Variants in MDGA2 observed in about 807,000 individuals in gnomAD.
MDGA2 encodes the protein MAM domain-containing glycosylphosphatidylinositol anchor protein 2.
Under a neutral mutation model 117.8 loss-of-function variants are expected in MDGA2, and 40 were observed. The observed-to-expected ratio is 0.34, with a 90% CI of 0.26 to 0.44. The LOEUF (loss-of-function observed/expected upper bound fraction) is 0.44, where lower values mean the gene tolerates loss of function less well. MDGA2 is among the 20% of genes least tolerant of loss of function. The pLI is 1.00. For synonymous variants in MDGA2, 452 were observed against 439.0 expected, an observed-to-expected ratio of 1.03 and a Z score of -0.37; for missense variants, 1,123 against 1,250.6, an observed-to-expected ratio of 0.90 and a Z score of 1.54.
intron 8 of MDGA2, among the ~76,000 whole-genome samples, chr14:47,005,364 A>C (rs980843388): frequency 6.6e-6 from 1 of 151,618 alleles, no homozygotes; most frequent in South Asian, 2.1e-4. Context: ...TTATTGAAAG[A>C]AGCATACGGA....
chr14:47,322,994 T>A (rs1890025501), intron 1 of MDGA2, among the ~76,000 whole-genome samples: 1 of 151,668 alleles, frequency 6.6e-6, no homozygotes, highest in African/African-American at 2.4e-5. Flanking sequence ...TTGCCATACA[T>A]AATGAAGGAG....
intron 1 of MDGA2, among the ~76,000 whole-genome samples, chr14:47,588,619 T>C (rs1341121086): frequency 1.3e-5 from 2 of 151,924 alleles, no homozygotes; most frequent in Non-Finnish European, 2.9e-5. Flanking sequence ...TTATATTTTC[T>C]ACATGTGAGT....
intron 1 of MDGA2, among the ~76,000 whole-genome samples, chr14:47,478,657 T>C (rs1451414821): frequency 2.0e-5 from 3 of 152,318 alleles, no homozygotes; most frequent in African/African-American, 7.2e-5. Context: ...ACTACGGACA[T>C]GAGCCACTGC....
chr14:47,037,462 C>T (rs1293192118), intron 7 of MDGA2, among the ~76,000 whole-genome samples: 1 of 152,106 alleles, frequency 6.6e-6, no homozygotes, highest in African/African-American at 2.4e-5. Flanking sequence ...GAATTAATAA[C>T]TTTTGAGCGT....
chr14:47,605,825 T>C (rs1199028698), intron 1 of MDGA2, among the ~76,000 whole-genome samples: 2 of 152,140 alleles, frequency 1.3e-5, no homozygotes, highest in Admixed American at 6.6e-5. Context: ...TATTTCATAA[T>C]GTAATGCCCC....
In MDGA2 at chr14:47,350,168, C is replaced by T. The variant is rs868219600; in HGVS notation, c.281-48618G>A. ...ACTCCCCCAGGACAGAATCTGCCTT[C>T]TTTTAAACAGTCACCTGTAACTAAC... On this transcript the variant is annotated intron_variant, in intron 1 of 16. Coordinates refer to ENST00000399232, the MANE Select transcript of MDGA2 (RefSeq NM_001113498.3). 5.3e-5 allele frequency among the ~76,000 whole-genome samples: 8 copies of T among 152,318 alleles called. No individual in the cohort carries two copies. The Middle Eastern group carries it at 0.017, about 324-fold the overall frequency.
intron 1 of MDGA2, among the ~76,000 whole-genome samples, chr14:47,609,618 T>C (rs1254453359): frequency 1.3e-5 from 2 of 151,018 alleles, no homozygotes; most frequent in African/African-American, 4.9e-5. Context: ...GTGGGATTGC[T>C]GGATCAAATG....
chr14:47,494,728 A>C (rs1894242977), intron 1 of MDGA2, among the ~76,000 whole-genome samples: 1 of 151,578 alleles, frequency 6.6e-6, no homozygotes, highest in Non-Finnish European at 1.5e-5. Flanking sequence ...GTCCATGTTC[A>C]TTTTTCTGTA....
intron 1 of MDGA2, among the ~76,000 whole-genome samples, chr14:47,538,032 G>A (rs915838285): frequency 2.6e-5 from 4 of 152,278 alleles, no homozygotes; most frequent in Non-Finnish European, 4.4e-5. Flanking sequence ...TGATGTTTAA[G>A]ACAATACAGA....
intron 1 of MDGA2, among the ~76,000 whole-genome samples, chr14:47,340,457 T>C (rs979059511): frequency 3.3e-5 from 5 of 152,192 alleles, no homozygotes; most frequent in African/African-American, 7.2e-5. Context: ...GGTAATTATA[T>C]AGAATACATC....
rs189564582 is a variant in MDGA2, at chr14:46,893,673, A to G, written c.2239-11452T>C. Reference sequence around the variant, plus strand: ...AAAAAGACAAATTTAAAAATTATTAATAGTGTATTCACATTTTAATACTAC... The same window carrying G: ...AAAAAGACAAATTTAAAAATTATTAGTAGTGTATTCACATTTTAATACTAC... On this transcript the variant is annotated intron_variant, in intron 10 of 16. Transcript: ENST00000399232. 4.6e-4 allele frequency among the ~76,000 whole-genome samples: 70 copies of G among 152,208 alleles called. No homozygotes were observed. The East Asian group carries it at 0.013, about 28-fold the overall frequency.
intron 5 of MDGA2, among the ~76,000 whole-genome samples, chr14:47,124,478 T>G (rs2139118397): frequency 6.6e-6 from 1 of 152,252 alleles, no homozygotes; most frequent in East Asian, 1.9e-4. Flanking sequence ...TTAACATATC[T>G]GACTCATTTT....
At chr14:47,614,508 C>T (rs1206611327) in intron 1 of MDGA2, among the ~76,000 whole-genome samples, 2 of 152,156 alleles carry the variant, frequency 1.3e-5, no homozygotes, top group East Asian at 1.9e-4. Context: ...TTTCCACACT[C>T]GTGCTAACTC....
chr14:47,497,177 G>A (rs1894299159), intron 1 of MDGA2, among the ~76,000 whole-genome samples: 1 of 152,062 alleles, frequency 6.6e-6, no homozygotes, highest in Non-Finnish European at 1.5e-5. Flanking sequence ...TTTTTCCACA[G>A]GTTATTTATG....
chr14:47,440,952 G>A (rs528316024), intron 1 of MDGA2, among the ~76,000 whole-genome samples: 1 of 152,008 alleles, frequency 6.6e-6, no homozygotes, highest in East Asian at 1.9e-4. Flanking sequence ...TTTCATTTGG[G>A]GACTGCAAAT....
At chr14:46,998,915 A>C (rs1887401498) in intron 8 of MDGA2, among the ~76,000 whole-genome samples, 2 of 152,082 alleles carry the variant, frequency 1.3e-5, no homozygotes, top group African/African-American at 4.8e-5. Context: ...TAAGTTGTTC[A>C]ACTACAAATT....
intron 3 of MDGA2, among the ~76,000 whole-genome samples, chr14:47,145,704 T>A (rs1882915624): frequency 6.6e-6 from 1 of 152,122 alleles, no homozygotes; most frequent in African/African-American, 2.4e-5. Flanking sequence ...TTTAGGCTGT[T>A]GAAGGATTAA....
At chr14:47,189,580 C>A (rs1049394179) in intron 3 of MDGA2, among the ~76,000 whole-genome samples, 2 of 152,120 alleles carry the variant, frequency 1.3e-5, no homozygotes, top group African/African-American at 4.8e-5. Flanking sequence ...TCCCCATCAC[C>A]TTTTAAACAA....
intron 2 of MDGA2, among the ~76,000 whole-genome samples, chr14:47,280,500 T>G (rs576026239): frequency 6.6e-6 from 1 of 152,100 alleles, no homozygotes; most frequent in Non-Finnish European, 1.5e-5. Context: ...TGTTTTACTA[T>G]GATTAAAAAT....
Sources: gnomAD v4.1 joint callset for allele counts (sites outside exome capture counted in the v4.1 genomes callset) on GRCh38, gnomAD v4.1.1 for gene constraint, MANE v1.5 for transcripts, NCBI Gene and HGNC (gene_info 2026-07-23, HGNC 2026-07-21) for gene names.